Variants in GLIS3 observed in about 807,000 individuals in gnomAD.
GLIS3 encodes GLIS family zinc finger 3.
GLIS3 carries 53 observed loss-of-function variants against 78.6 expected under a neutral mutation model. The observed-to-expected ratio is 0.67, with a 90% CI of 0.54 to 0.85. The LOEUF is 0.85. Among genes scored for constraint, GLIS3 ranks in the 40% least tolerant of loss-of-function variants. The pLI, the probability that GLIS3 is intolerant of heterozygous loss-of-function variation, is 0.00. For synonymous variants in GLIS3, 684 were observed against 509.9 expected (o/e 1.34, Z -4.60); for missense variants, 1,703 against 1,231.1 (o/e 1.38, Z -5.74).
At chr9:4,030,614 C>G (rs1009047856) in intron 4 of GLIS3, among the ~76,000 whole-genome samples, 7 of 152,112 alleles carry the variant, frequency 4.6e-5, no homozygotes, top group South Asian at 2.1e-4. Flanking sequence ...ATTTTAGAGA[C>G]AGGGGTCAAC....
intron 2 of GLIS3, among the ~76,000 whole-genome samples, chr9:4,252,435 G>C (rs761912579): frequency 3.3e-5 from 5 of 151,958 alleles, no homozygotes; most frequent in African/African-American, 4.8e-5. Flanking sequence ...TGAAGTCCTT[G>C]TGCTGTTTTT....
the GLIS3 span, among the ~76,000 whole-genome samples, chr9:4,441,555 T>C: frequency 2.6e-5 from 4 of 152,210 alleles, no homozygotes; most frequent in East Asian, 1.9e-4. Flanking sequence ...TAGTGTTTTG[T>C]TGAGGATTTT....
chr9:3,938,145 C>A (rs1279392578), intron 4 of GLIS3, among the ~76,000 whole-genome samples: 1 of 152,182 alleles, frequency 6.6e-6, no homozygotes, highest in Non-Finnish European at 1.5e-5. Flanking sequence ...TATCTTTTAA[C>A]TCTCTCTTTG....
At chr9:4,077,586 T>C (rs2130676341) in intron 4 of GLIS3, among the ~76,000 whole-genome samples, 1 of 152,340 alleles carries the variant, frequency 6.6e-6, no homozygotes, top group East Asian at 1.9e-4. Context: ...AGCTATTGCA[T>C]CTCAGCTTAA....
intron 2 of GLIS3, among the ~76,000 whole-genome samples, chr9:4,225,030 T>G (rs1387887923): frequency 6.6e-6 from 1 of 151,986 alleles, no homozygotes; most frequent in East Asian, 1.9e-4. Flanking sequence ...GCCTTCACAT[T>G]TGCAATCTCA....
chr9:4,334,772 G>C (rs1012409404), intron 2 of GLIS3, among the ~76,000 whole-genome samples: 1 of 152,124 alleles, frequency 6.6e-6, no homozygotes, highest in South Asian at 2.1e-4. Context: ...CACTTACAGC[G>C]AACCTGGGGC....
intron 2 of GLIS3, among the ~76,000 whole-genome samples, chr9:4,156,113 CTT>C (rs1443875352): frequency 1.3e-5 from 2 of 152,152 alleles, no homozygotes; most frequent in East Asian, 1.9e-4. Flanking sequence ...AAAATCACCT[CTT>C]GTGTGGCCAT....
the GLIS3 span, among the ~76,000 whole-genome samples, chr9:4,412,633 G>T: frequency 3.4e-4 from 52 of 152,242 alleles, no homozygotes; most frequent in African/African-American, 1.2e-3. Context: ...CTTAAATTCT[G>T]ATAATTGTAA....
At chr9:3,837,809 G>A (rs932079226) in intron 9 of GLIS3, among the ~76,000 whole-genome samples, 3 of 152,182 alleles carry the variant, frequency 2.0e-5, no homozygotes, top group African/African-American at 4.8e-5. Flanking sequence ...AAGCTATTCC[G>A]TATGATGCTA....
chr9:3,892,494 T>C (rs895572267), intron 7 of GLIS3, among the ~76,000 whole-genome samples: 1 of 152,218 alleles, frequency 6.6e-6, no homozygotes, highest in Admixed American at 6.5e-5. Context: ...CAATACCCTC[T>C]ATTCAGTGCC....
At chr9:4,092,774 A>G (rs1829632193) in intron 4 of GLIS3, among the ~76,000 whole-genome samples, 1 of 152,200 alleles carries the variant, frequency 6.6e-6, no homozygotes. Context: ...TTTCTTTTAT[A>G]AACAGAAGGA....
At chr9:3,866,395 C>T (rs139666175) in intron 8 of GLIS3, among the ~76,000 whole-genome samples, 92 of 152,110 alleles carry the variant, frequency 6.0e-4, no homozygotes, top group African/African-American at 2.0e-3. Flanking sequence ...CAGGAGGTGG[C>T]GCTTGCAGTG....
At chr9:4,360,299 G>T in the GLIS3 span, among the ~76,000 whole-genome samples, 1 of 152,140 alleles carries the variant, frequency 6.6e-6, no homozygotes, top group Non-Finnish European at 1.5e-5. Flanking sequence ...AAGAGCATGC[G>T]ACTGACTATG....
chr9:4,167,012 G>A (rs975985368), intron 2 of GLIS3, among the ~76,000 whole-genome samples: 1 of 152,202 alleles, frequency 6.6e-6, no homozygotes, highest in South Asian at 2.1e-4. Context: ...AGGAGAAGGT[G>A]GATATAAGAA....
intron 4 of GLIS3, among the ~76,000 whole-genome samples, chr9:3,938,987 C>T (rs181083777): frequency 6.6e-6 from 1 of 152,304 alleles, no homozygotes; most frequent in East Asian, 1.9e-4. Context: ...ACTCTTGGAG[C>T]TCAGTTTATT....
intron 4 of GLIS3, among the ~76,000 whole-genome samples, chr9:4,093,397 G>C (rs1829685633): frequency 6.6e-6 from 1 of 152,208 alleles, no homozygotes; most frequent in Non-Finnish European, 1.5e-5. Flanking sequence ...AAGAACCAAA[G>C]CATGTGGAAG....
the GLIS3 span, among the ~76,000 whole-genome samples, chr9:4,398,056 C>G: frequency 1.3e-5 from 2 of 151,998 alleles, no homozygotes; most frequent in Non-Finnish European, 2.9e-5. Context: ...TCAATCGGCC[C>G]CTTCTTAAGA....
chr9:4,005,599 T>A (rs1014758862), intron 4 of GLIS3, among the ~76,000 whole-genome samples: 1 of 152,114 alleles, frequency 6.6e-6, no homozygotes, highest in Non-Finnish European at 1.5e-5. Flanking sequence ...ACTGCATAGG[T>A]TTGTTGAAAG....
intron 2 of GLIS3, among the ~76,000 whole-genome samples, chr9:4,246,501 T>C (rs985707974): frequency 1.3e-5 from 2 of 152,214 alleles, no homozygotes; most frequent in African/African-American, 2.4e-5. Flanking sequence ...TTTCCCTAAG[T>C]GACATCTGCA....
Sources: allele counts gnomAD v4.1 joint callset (sites outside exome capture counted in the v4.1 genomes callset), GRCh38; gene constraint gnomAD v4.1.1; transcripts MANE v1.5; gene names NCBI Gene and HGNC (gene_info 2026-07-23, HGNC 2026-07-21).